The following FTCD variants were observed in gnomAD, a reference collection of about 807,000 sequenced individuals.
FTCD encodes formimidoyltransferase cyclodeaminase, also known as formimidoyltransferase-cyclodeaminase.
FTCD carries 76 observed loss-of-function variants against 62.9 expected under a neutral mutation model. The observed-to-expected ratio is 1.21, with a 90% CI of 1.00 to 1.46. The LOEUF (loss-of-function observed/expected upper bound fraction) is 1.46, where lower values mean the gene tolerates loss of function less well. Ranked by LOEUF, FTCD falls within the 40% of genes most tolerant of loss-of-function variation. The pLI, the probability that FTCD is intolerant of heterozygous loss-of-function variation, is 0.00. For synonymous variants in FTCD, 397 were observed against 336.9 expected (o/e 1.18, Z -1.95); for missense variants, 845 against 751.3 (o/e 1.12, Z -1.46).
rs200283734 is a variant in FTCD at position 46,138,593 on chromosome 21, G to A, written c.1358C>T (p.Thr453Met). The A allele has an allele frequency of 7.1e-4, 1,134 of 1,590,800 alleles. 2 individuals are homozygous for A. Among genetic ancestry groups the A allele is most frequent in the Non-Finnish European group, 8.8e-4 (1,031 of 1,175,536 alleles). Residue 453 changes from threonine (T) to methionine (M), a missense_variant, in exon 12 of 14, where the codon ACG (threonine) becomes ATG (methionine). Thr to Met is a moderately conservative substitution (Grantham distance 81). Transcript: ENST00000397746. ...GLRRAVSVPL[T>M]LAETVASLWP... ...CAGCGAGGCCACCGTCTCCGCCAGC[G>A]TCAGCGGCACAGAGACTGCCCGCCT...
At position 46,136,879 on chromosome 21, in the gene FTCD, C is replaced by G. The variant is rs12774; in HGVS notation, c.*108G>C. On this transcript the variant is annotated 3_prime_UTR_variant, in exon 14 of 14. Transcript: ENST00000397746. ...CGATGCCCCGCTGCCTGCCCACCTA[C>G]CCTCCGGGCCCCACACGAACAAGCT... is the stretch of plus-strand genomic sequence containing the variant. 1 of 1,570,942 alleles carries G rather than the reference C, an allele frequency of 6.4e-7. No individual in the cohort carries two copies. The highest frequency in any genetic ancestry group is 1.4e-5 in the African/African-American group (1 of 73,766).
intron 7 of FTCD, 65 bp from the exon 8 acceptor site, chr21:46,146,392 C>T: frequency 9.0e-7 from 1 of 1,109,228 alleles, no homozygotes; most frequent in Non-Finnish European, 1.3e-6. Context: ...AGCCTCGGAA[C>T]CCGCGGGTCC....
intron 12 of FTCD, 144 bp downstream of exon 12, chr21:46,138,364 G>A: frequency 8.0e-6 from 6 of 749,206 alleles, no homozygotes; most frequent in Non-Finnish European, 1.3e-5. Context: ...TGTTGGAGGA[G>A]GCCAAAGCCC....
chr21:46,147,942 C>CAA (rs3057182), intron 7 of FTCD, among the ~76,000 whole-genome samples: 13 of 96,164 alleles, frequency 1.4e-4, no homozygotes, highest in Admixed American at 2.3e-4. Context: ...GGCTCCATCT[C>CAA]AAAAAAAAAA....
Position 46,138,862 on chromosome 21 carries a change from C to G in FTCD, c.1304+18G>C, listed in dbSNP as rs2078931254. On this transcript the variant is annotated intron_variant, in intron 11 of 13. Coordinates refer to ENST00000397746, the MANE Select transcript of FTCD (RefSeq NM_206965.2). The stretch of plus-strand genomic sequence containing the variant: ...CCAGACACAGAGGCCCACGGTGCGG[C>G]CGGCCCTCCAGGCTCACCTGTCCTT... The G allele has an allele frequency of 1.2e-6, 2 of 1,605,058 alleles. No homozygotes were observed. The highest frequency in any genetic ancestry group is 1.7e-6 in the Non-Finnish European group (2 of 1,172,104).
chr21:46,148,149 A>G (rs1157153141), intron 7 of FTCD, among the ~76,000 whole-genome samples: 1 of 152,202 alleles, frequency 6.6e-6, no homozygotes, highest in Non-Finnish European at 1.5e-5. Flanking sequence ...AACACCTTCA[A>G]GTACTCCCCA....
chr21:46,152,093 T>G (rs1438154931), intron 3 of FTCD, 113 bp from the exon 4 acceptor site: 4 of 718,276 alleles, frequency 5.6e-6, no homozygotes, highest in Admixed American at 5.0e-5. Context: ...GGGCCTCTAC[T>G]GCACCCTCTC....
chr21:46,151,661 GC>G lies in FTCD; in HGVS notation c.532del (p.Ala178ArgfsTer39). 6.2e-7 allele frequency: 1 copy of G among 1,612,942 alleles called. No individual in the cohort carries two copies. The highest frequency in any genetic ancestry group is 2.2e-5 in the East Asian group (1 of 44,880). On this transcript the variant is annotated frameshift_variant, in exon 5 of 14. Transcript: ENST00000397746. LOFTEE classifies it high-confidence loss of function. ...VPSWGATATGARKFLIAFNIN... is the reference protein window; with the variant it reads ...VPSWGATATGXRKFLIAFNIN... ...GTTAAAAGCAATGAGGAACTTCCTC[GC>G]CCCCGTGGCCGTGGCCCCCCAACTG...
intron 12 of FTCD, among the ~76,000 whole-genome samples, chr21:46,137,729 G>A (rs1195586534): frequency 5.3e-5 from 8 of 152,086 alleles, no homozygotes; most frequent in Non-Finnish European, 5.9e-5. Context: ...ACCAGATGCT[G>A]AAAAGAGGCG....
Position 46,151,524 on chromosome 21 carries a change from G to C in FTCD, c.636+34C>G, listed in dbSNP as rs753346732. The C allele has an allele frequency of 6.9e-6, 11 of 1,585,336 alleles. No individual in the cohort carries two copies. The Middle Eastern group carries it at 6.7e-4, about 96-fold the overall frequency. On this transcript the variant is annotated intron_variant, in intron 5 of 13. Coordinates refer to ENST00000397746, the MANE Select transcript of FTCD (RefSeq NM_206965.2). Reference sequence around the variant, plus strand: ...CCTCTAACCCTTTCCCGAGGGGCTGGGTGGGGCTCCATGGGGTCAGTGAAC... The same window carrying C: ...CCTCTAACCCTTTCCCGAGGGGCTGCGTGGGGCTCCATGGGGTCAGTGAAC...
At chr21:46,145,268 G>A in intron 10 of FTCD, 149 bp downstream of exon 10, 1 of 663,038 alleles carries the variant, frequency 1.5e-6, no homozygotes, top group East Asian at 2.8e-5. Flanking sequence ...GGTGGTCAAG[G>A]TCCAGACAGC....
chr21:46,136,749 G>A, downstream of FTCD: 2 of 1,489,006 alleles, frequency 1.3e-6, no homozygotes, highest in East Asian at 2.5e-5. Context: ...TCTCAGCCCT[G>A]CCCCCAAAAC....
intron 11 of FTCD, 112 bp downstream of exon 11, chr21:46,138,768 C>A: frequency 7.0e-7 from 1 of 1,426,740 alleles, no homozygotes; most frequent in South Asian, 1.1e-5. Flanking sequence ...TTCCCAAACA[C>A]CCAGCACGCC....
intron 10 of FTCD, among the ~76,000 whole-genome samples, chr21:46,139,529 C>CT (rs1432054849): frequency 1.3e-5 from 2 of 152,234 alleles, no homozygotes; most frequent in African/African-American, 4.8e-5. Flanking sequence ...CGGACTGTGG[C>CT]CAGAGCCCTG....
At position 46,145,500 on chromosome 21, in the gene FTCD, G is replaced by A. The variant is rs2079119158; in HGVS notation, c.1177C>T (p.Arg393Cys). ...QFQSLDTTMR[R>C]LIPPFREASA... Reference sequence around the variant, plus strand: ...GCCTCGCGGAAGGGCGGGATCAGGCGCCGCATCGTCGTGTCCAGGGACTGG... The same window carrying A: ...GCCTCGCGGAAGGGCGGGATCAGGCACCGCATCGTCGTGTCCAGGGACTGG... The change falls in exon 10 of 14, where the codon CGC becomes TGC. Residue 393 changes from arginine to cysteine, a missense_variant. Physicochemically the swap from Arg to Cys is radical, Grantham distance 180. Transcript: ENST00000397746. 1.9e-6 allele frequency: 3 copies of A among 1,553,346 alleles called. No individual in the cohort carries two copies. The highest frequency in any genetic ancestry group is 2.6e-6 in the Non-Finnish European group (3 of 1,149,070).
chr21:46,139,453 G>A (rs898446626), intron 10 of FTCD, among the ~76,000 whole-genome samples: 76 of 152,266 alleles, frequency 5.0e-4, no homozygotes, highest in African/African-American at 1.6e-3. Flanking sequence ...GACCCACCCC[G>A]TGTGGAAGAG....
rs374097903 is a variant in FTCD, at chr21:46,152,978, A to G, written c.296T>C (p.Val99Ala). The G allele has an allele frequency of 2.3e-4, 365 of 1,553,964 alleles. 1 individual carries two copies. In the Middle Eastern group the frequency reaches 0.012, roughly 50 times the overall value. ...DVCPFIPVRG[V>A]SVDECVLCAQ... ...GCAGAGCACACACTCATCCACGCTG[A>G]CGCCCCTCACGGGGATGAAGGGGCA... The change falls in exon 3 of 14, where the codon GTC becomes GCC. Residue 99 changes from valine to alanine, a missense_variant. Val to Ala is a moderately conservative substitution (Grantham distance 64, BLOSUM62 0). Coordinates refer to ENST00000397746, the MANE Select transcript of FTCD (RefSeq NM_206965.2).
In FTCD at chr21:46,145,906, C is replaced by G; in HGVS notation, c.1010G>C (p.Ser337Thr). The change falls in exon 9 of 14, where the codon AGC becomes ACC. Residue 337 changes from serine to threonine, a missense_variant. By Grantham distance (58) the Ser-to-Thr change is moderately conservative (BLOSUM62 1). Transcript: ENST00000397746. ...PERGPERGLG[S>T]KSLRAFVGEV... The stretch of plus-strand genomic sequence containing the variant: ...CCCCACGAAGGCGCGCAGGGACTTG[C>G]TGCCCAGGCCTCGCTCAGGCCCGCG... 6.7e-7 allele frequency: 1 copy of G among 1,498,536 alleles called. No homozygotes were observed. The highest frequency in any genetic ancestry group is 1.2e-5 in the South Asian group (1 of 80,300). The allele number at this position is 1,498,536 out of a possible 1,614,324, so 92.8% of individuals were successfully genotyped here.
intron 7 of FTCD, among the ~76,000 whole-genome samples, chr21:46,147,593 G>A (rs753520857): frequency 9.9e-5 from 15 of 152,048 alleles, no homozygotes; most frequent in Non-Finnish European, 1.8e-4. Flanking sequence ...ACGCAGCCAC[G>A]GGCACAGCCA....
Sources: allele counts gnomAD v4.1 joint callset (sites outside exome capture counted in the v4.1 genomes callset), GRCh38; gene constraint gnomAD v4.1.1; transcripts MANE v1.5; gene names NCBI Gene and HGNC (gene_info 2026-07-23, HGNC 2026-07-21).